The following NHSL2 variants were observed in gnomAD, a reference collection of about 807,000 sequenced individuals.
NHSL2 encodes NHS like 2.
In NHSL2, 27 loss-of-function variants were observed where a neutral mutation model predicts 53.4. The ratio of observed to expected loss-of-function variants is 0.51; its 90% CI spans 0.37 to 0.70. The LOEUF is 0.70. NHSL2 is among the 30% of genes least tolerant of loss of function. The pLI is 0.00. For missense variants in NHSL2, 892 were observed against 980.1 expected (o/e 0.91, Z 1.20); for synonymous variants, 408 against 404.1 (o/e 1.01, Z -0.12).
rs1569484663 is a variant in NHSL2, at chrX:72,142,214, T to C, written c.3224-18T>C. The C allele has an allele frequency of 8.7e-7, 1 of 1,149,316 alleles. No individual in the cohort carries two copies. Among genetic ancestry groups the C allele is most frequent in the African/African-American group, 1.8e-5 (1 of 55,256 alleles). 94.7% of individuals were successfully genotyped at this position (1,149,316 alleles called of 1,213,427 possible). A position where few individuals can be genotyped will look rare whatever the true frequency, so the allele number is the denominator to read the frequency against. On this transcript the variant is annotated intron_variant, in intron 6 of 7. Transcript: ENST00000633930. ...TCTACTGTGGTCAAAGTCATTCCTT[T>C]TGGTTTTTTATGTCTAGGGAGTTCT...
In NHSL2 at chrX:72,072,084, C is replaced by T. The variant is rs750386726; in HGVS notation, c.281-59995C>T. 2.4e-4 allele frequency among the ~76,000 whole-genome samples: 27 copies of T among 112,380 alleles called. 1 individual carries two copies. The highest frequency in any genetic ancestry group is 4.7e-4 in the Admixed American group (5 of 10,641). ...AACTCAAGTCTTACTAATTGGGGTACGAGAGATTACGATTGCTCCCCAAGT... is the reference window on the plus strand; with the variant it reads ...AACTCAAGTCTTACTAATTGGGGTATGAGAGATTACGATTGCTCCCCAAGT... On this transcript the variant is annotated intron_variant, in intron 1 of 7. Transcript: ENST00000633930.
chrX:72,130,282 C>T lies in NHSL2; in HGVS notation c.281-1797C>T, dbSNP rs1306396186. 2 of 1,192,523 alleles carry T rather than the reference C, an allele frequency of 1.7e-6. No homozygotes were observed. Among genetic ancestry groups the T allele is most frequent in the African/African-American group, 1.8e-5 (1 of 55,888 alleles). On this transcript the variant is annotated intron_variant, in intron 1 of 7. Coordinates refer to ENST00000633930, the MANE Select transcript of NHSL2 (RefSeq NM_001013627.3). Reference sequence around the variant, plus strand: ...CTCATCTTCATCTTCTTCATCCTTACTCTCTCCTTCCTCCTCATTCTTGTT... The same window carrying T: ...CTCATCTTCATCTTCTTCATCCTTATTCTCTCCTTCCTCCTCATTCTTGTT...
intron 1 of NHSL2, among the ~76,000 whole-genome samples, chrX:71,956,814 A>C (rs1248099921): frequency 1.8e-5 from 2 of 110,561 alleles, no homozygotes. Flanking sequence ...ACTGCCCCAC[A>C]CTCCATTCCC....
At chrX:72,066,493 T>G (rs2042430335) in intron 1 of NHSL2, among the ~76,000 whole-genome samples, 1 of 110,262 alleles carries the variant, frequency 9.1e-6, no homozygotes, top group Non-Finnish European at 1.9e-5. Flanking sequence ...TGAGAAAAGC[T>G]CCAGGGGCCA....
intron 1 of NHSL2, among the ~76,000 whole-genome samples, chrX:71,955,556 G>A (rs1366315357): frequency 9.1e-6 from 1 of 110,402 alleles, no homozygotes; most frequent in Non-Finnish European, 1.9e-5. Flanking sequence ...TATGTGGAGG[G>A]CAGAGAAGTG....
chrX:71,956,864 G>T (rs1305416826), intron 1 of NHSL2, among the ~76,000 whole-genome samples: 1 of 111,381 alleles, frequency 9.0e-6, no homozygotes, highest in Non-Finnish European at 1.9e-5. Context: ...TCATGACTAA[G>T]GGTCCTTGCA....
chrX:72,140,695 C>T lies in NHSL2; in HGVS notation c.3147C>T (p.Gly1049=), dbSNP rs1382647776. 5.0e-6 allele frequency: 6 copies of T among 1,207,816 alleles called. No homozygotes were observed. The highest frequency in any genetic ancestry group is 1.7e-5 in the African/African-American group (1 of 57,329). ...AAGACACCAAGTGTCCCGCCACCGG[C>T]GATGACCTGCAATCACTTGGTCAAA... is the stretch of plus-strand genomic sequence containing the variant. ...LEEDTKCPAT[G]DDLQSLGQRV... The change falls in exon 6 of 8, where the codon GGC becomes GGT. Residue 1049 remains glycine, a synonymous_variant. Transcript: ENST00000633930.
chrX:72,137,360 A>C, intron 5 of NHSL2, 135 bp downstream of exon 5: 1 of 575,676 alleles, frequency 1.7e-6, no homozygotes, highest in Non-Finnish European at 2.7e-6. Flanking sequence ...GTCCTGAAAA[A>C]GCCAATATGG....
chrX:71,968,492 G>A (rs1165580061), intron 1 of NHSL2, among the ~76,000 whole-genome samples: 1 of 111,649 alleles, frequency 9.0e-6, no homozygotes, highest in Non-Finnish European at 1.9e-5. Context: ...AGCTCTTTCT[G>A]CCCTTTTTTG....
chrX:71,960,058 A>G (rs184353138), intron 1 of NHSL2, among the ~76,000 whole-genome samples: 1 of 112,322 alleles, frequency 8.9e-6, no homozygotes, highest in Admixed American at 9.4e-5. Flanking sequence ...TAACCATCCC[A>G]GTGAGTGTGA....
intron 1 of NHSL2, among the ~76,000 whole-genome samples, chrX:72,046,713 A>G (rs1273362817): frequency 9.2e-6 from 1 of 108,823 alleles, no homozygotes; most frequent in Non-Finnish European, 1.9e-5. Context: ...CTGCAGAGAA[A>G]GGTTTCAGGG....
At chrX:71,917,715 C>A (rs1290363040) in intron 1 of NHSL2, among the ~76,000 whole-genome samples, 4 of 111,357 alleles carry the variant, frequency 3.6e-5, no homozygotes, top group Non-Finnish European at 5.7e-5. Flanking sequence ...GAAGGATGAT[C>A]TGGAGCTGGC....
At chrX:72,069,799 G>C in intron 1 of NHSL2, 2 of 736,762 alleles carry the variant, frequency 2.7e-6, no homozygotes, top group Non-Finnish European at 3.5e-6. Flanking sequence ...TACAGCCAGG[G>C]CCTCCCAGCT....
intron 1 of NHSL2, among the ~76,000 whole-genome samples, chrX:72,012,032 CAT>C (rs1357610509): frequency 2.7e-5 from 3 of 111,996 alleles, no homozygotes; most frequent in Non-Finnish European, 5.6e-5. Context: ...CTTTGTCAGA[CAT>C]ATGGTTTGCA....
chrX:71,999,566 T>C (rs2042063973), intron 1 of NHSL2, among the ~76,000 whole-genome samples: 1 of 112,106 alleles, frequency 8.9e-6, no homozygotes, highest in East Asian at 2.8e-4. Flanking sequence ...ACAATATGGG[T>C]CCTGGATTGG....
rs182760501 is a variant in NHSL2 at position 72,150,295 on chromosome X, T to C, written c.*6721T>C. 1.2e-4 allele frequency: 13 copies of C among 112,350 alleles called. No individual in the cohort carries two copies. Among genetic ancestry groups the C allele is most frequent in the Admixed American group, 1.1e-3 (12 of 10,575 alleles). The allele number at this position is 112,350 out of a possible 1,213,427, so 9.3% of individuals were successfully genotyped here. A position where few individuals can be genotyped will look rare whatever the true frequency, so the allele number is the denominator to read the frequency against. On this transcript the variant is annotated 3_prime_UTR_variant, in exon 8 of 8. Coordinates refer to ENST00000633930, the MANE Select transcript of NHSL2 (RefSeq NM_001013627.3). ...CTATGTAAGGGAACCTTCTGGTGAC[T>C]TCTTTTTGAAAAACCGAGATTCCTC...
chrX:72,014,874 A>G (rs1246081307), intron 1 of NHSL2, among the ~76,000 whole-genome samples: 5 of 109,387 alleles, frequency 4.6e-5, no homozygotes, highest in Non-Finnish European at 9.5e-5. Context: ...ATGCCTGCTC[A>G]GCCTTCTCTG....
chrX:72,143,207 A>ATGTC (rs1184090854), intron 7 of NHSL2, 46 bp from the exon 8 acceptor site: 1 of 952,392 alleles, frequency 1.0e-6, no homozygotes, highest in Non-Finnish European at 1.4e-6. Context: ...GCACTGGTAA[A>ATGTC]TGTCTGCTGC....
intron 1 of NHSL2, among the ~76,000 whole-genome samples, chrX:71,993,208 C>T (rs1276576194): frequency 3.6e-5 from 4 of 112,287 alleles, no homozygotes; most frequent in Non-Finnish European, 7.5e-5. Context: ...TGACTTGTGC[C>T]GTTTCTGGCA....
Sources: gnomAD v4.1 joint callset for allele counts (sites outside exome capture counted in the v4.1 genomes callset) on GRCh38, gnomAD v4.1.1 for gene constraint, MANE v1.5 for transcripts, NCBI Gene and HGNC (gene_info 2026-07-23, HGNC 2026-07-21) for gene names.